The following IMMP1L variants were observed in gnomAD, a reference collection of about 807,000 sequenced individuals.
IMMP1L encodes mitochondrial inner membrane protease subunit 1.
IMMP1L carries 24 observed loss-of-function variants against 21.8 expected under a neutral mutation model. The observed-to-expected ratio is 1.10, with a 90% CI of 0.80 to 1.55. The LOEUF (loss-of-function observed/expected upper bound fraction) is 1.55. Among genes scored for constraint, IMMP1L ranks in the 40% most tolerant of loss-of-function variants. The pLI, the probability that IMMP1L is intolerant of heterozygous loss-of-function variation, is 0.00. For synonymous variants in IMMP1L, 46 were observed against 62.8 expected (o/e 0.73, Z 1.26); for missense variants, 195 against 200.7 (o/e 0.97, Z 0.17).
intron 4 of IMMP1L, among the ~76,000 whole-genome samples, chr11:31,453,257 A>T (rs1315800452): frequency 1.3e-5 from 2 of 152,212 alleles, no homozygotes; most frequent in African/African-American, 4.8e-5. Context: ...TTTTCTGCCA[A>T]CCTACAAACA....
chr11:31,459,612 A>AT (rs1954068953), intron 3 of IMMP1L, among the ~76,000 whole-genome samples: 1 of 152,016 alleles, frequency 6.6e-6, no homozygotes, highest in Admixed American at 6.6e-5. Flanking sequence ...TATCATTATT[A>AT]TTTTTTTGTG....
chr11:31,432,531 C>G lies in IMMP1L; in HGVS notation c.470G>C (p.Ser157Thr). ...PLSDFGFLRA[S>T]PNGHRFSDD ...ATCAGAAAATCTGTGGCCATTAGGG[C>G]TGGCACGTAAAAATCCAAAATCACT... The change falls in exon 6 of 6, where the codon AGC (serine) becomes ACC (threonine). Residue 157 changes from serine to threonine, a missense_variant. Physicochemically the swap from Ser to Thr is moderately conservative, Grantham distance 58. Coordinates refer to ENST00000532287, the MANE Select transcript of IMMP1L (RefSeq NM_001304274.2). 6.2e-7 allele frequency: 1 copy of G among 1,613,068 alleles called. No homozygotes were observed. The highest frequency in any genetic ancestry group is 8.5e-7 in the Non-Finnish European group (1 of 1,179,326).
At chr11:31,481,968 A>G (rs575216729) in intron 1 of IMMP1L, among the ~76,000 whole-genome samples, 19 of 152,234 alleles carry the variant, frequency 1.2e-4, no homozygotes, top group Non-Finnish European at 2.6e-4. Context: ...ATTAAAAATC[A>G]TAACATTTAT....
At chr11:31,461,207 C>T (rs531541784) in intron 2 of IMMP1L, among the ~76,000 whole-genome samples, 2 of 152,314 alleles carry the variant, frequency 1.3e-5, no homozygotes, top group South Asian at 4.1e-4. Context: ...TTATGCCCAT[C>T]TTCCTCTTCC....
chr11:31,454,391 G>A (rs1391161665), intron 4 of IMMP1L, among the ~76,000 whole-genome samples: 1 of 138,020 alleles, frequency 7.2e-6, no homozygotes, highest in Non-Finnish European at 1.5e-5. Flanking sequence ...GGAGGAGGTT[G>A]CAGTGAGCTG....
chr11:31,432,636 T>C (rs1952948346), intron 5 of IMMP1L, 68 bp from the exon 6 acceptor site: 1 of 1,036,094 alleles, frequency 9.7e-7, no homozygotes, highest in Non-Finnish European at 1.5e-6. Context: ...ATATTCCCTT[T>C]TGCTATCTGT....
At chr11:31,449,388 AT>A (rs961645588) in intron 4 of IMMP1L, among the ~76,000 whole-genome samples, 2 of 152,330 alleles carry the variant, frequency 1.3e-5, no homozygotes, top group African/African-American at 4.8e-5. Context: ...CACAGTACAC[AT>A]TAAAGGACTA....
chr11:31,483,181 T>C (rs1187468979), intron 1 of IMMP1L, among the ~76,000 whole-genome samples: 1 of 151,972 alleles, frequency 6.6e-6, no homozygotes, highest in Non-Finnish European at 1.5e-5. Flanking sequence ...GAAGGGTGCA[T>C]GAAGGTGTCT....
chr11:31,438,426 A>T (rs949373435), intron 4 of IMMP1L, among the ~76,000 whole-genome samples: 1 of 152,130 alleles, frequency 6.6e-6, no homozygotes, highest in African/African-American at 2.4e-5. Flanking sequence ...TACCATGGAT[A>T]CAAGTCCTTT....
chr11:31,448,668 G>A (rs1280399112), intron 4 of IMMP1L, among the ~76,000 whole-genome samples: 2 of 152,166 alleles, frequency 1.3e-5, no homozygotes, highest in Non-Finnish European at 2.9e-5. Flanking sequence ...TCTTTCAACA[G>A]AGATGCTGAT....
At chr11:31,473,962 A>G (rs995159839) in intron 1 of IMMP1L, among the ~76,000 whole-genome samples, 1 of 152,204 alleles carries the variant, frequency 6.6e-6, no homozygotes, top group African/African-American at 2.4e-5. Flanking sequence ...AATGTCATTA[A>G]TGTATTTTTG....
At chr11:31,490,819 C>T (rs1955229303) in intron 1 of IMMP1L, among the ~76,000 whole-genome samples, 1 of 151,920 alleles carries the variant, frequency 6.6e-6, no homozygotes, top group African/African-American at 2.4e-5. Context: ...AAGGTAAGGA[C>T]CAATGTGAGA....
chr11:31,434,315 G>C (rs536330822), intron 4 of IMMP1L, among the ~76,000 whole-genome samples: 50 of 152,158 alleles, frequency 3.3e-4, no homozygotes, highest in African/African-American at 1.1e-3. Context: ...AGCATATTTA[G>C]AACAGAATAC....
chr11:31,465,798 A>G (rs1954318351), intron 1 of IMMP1L, among the ~76,000 whole-genome samples: 1 of 152,126 alleles, frequency 6.6e-6, no homozygotes, highest in African/African-American at 2.4e-5. Context: ...TCAACTTAAA[A>G]TAAATTACAG....
At chr11:31,437,277 C>T in intron 4 of IMMP1L, 1 of 297,630 alleles carries the variant, frequency 3.4e-6, no homozygotes, top group Middle Eastern at 1.3e-3. Context: ...TCATATACAC[C>T]TCATATATAT....
At chr11:31,490,102 G>A (rs958359745) in intron 1 of IMMP1L, among the ~76,000 whole-genome samples, 2 of 152,114 alleles carry the variant, frequency 1.3e-5, no homozygotes, top group African/African-American at 4.8e-5. Flanking sequence ...ATTGATGTGA[G>A]TAAATATTGA....
At chr11:31,440,786 C>A (rs1953300497) in intron 4 of IMMP1L, among the ~76,000 whole-genome samples, 1 of 152,164 alleles carries the variant, frequency 6.6e-6, no homozygotes, top group South Asian at 2.1e-4. Flanking sequence ...TTGGCATCTC[C>A]ATCTTGCATC....
intron 2 of IMMP1L, among the ~76,000 whole-genome samples, chr11:31,461,442 T>G (rs955983455): frequency 1.3e-5 from 2 of 152,208 alleles, no homozygotes; most frequent in Non-Finnish European, 2.9e-5. Flanking sequence ...TTTTCCTATT[T>G]GTATGTCTCA....
intron 1 of IMMP1L, among the ~76,000 whole-genome samples, chr11:31,465,169 A>G (rs779804219): frequency 6.6e-6 from 1 of 152,022 alleles, no homozygotes; most frequent in Admixed American, 6.6e-5. Context: ...TAAGAAATCA[A>G]TGGGATCAAT....
Sources: allele counts gnomAD v4.1 joint callset (sites outside exome capture counted in the v4.1 genomes callset), GRCh38; gene constraint gnomAD v4.1.1; transcripts MANE v1.5; gene names NCBI Gene and HGNC (gene_info 2026-07-23, HGNC 2026-07-21).